SOX5: variants seen among roughly 807,000 people sequenced by gnomAD.
The protein encoded by SOX5 is SRY-box transcription factor 5.
SOX5 carries 9 observed loss-of-function variants against 92.0 expected under a neutral mutation model. The ratio of observed to expected loss-of-function variants is 0.10; its 90% confidence interval spans 0.06 to 0.17. The LOEUF (loss-of-function observed/expected upper bound fraction) is 0.17, where lower values mean the gene tolerates loss of function less well. Ranked by LOEUF, SOX5 falls within the 10% of genes least tolerant of loss-of-function variation. The pLI is 1.00. For synonymous variants in SOX5, 344 were observed against 336.3 expected (o/e 1.02, Z -0.25); for missense variants, 642 against 944.5 (o/e 0.68, Z 4.20).
intron 3 of SOX5, among the ~76,000 whole-genome samples, chr12:23,831,957 T>TACAGACACACACACACAC (rs1555370330): frequency 2.1e-5 from 3 of 142,732 alleles, no homozygotes; most frequent in African/African-American, 8.0e-5. Flanking sequence ...AAAGGGGAAC[T>TACAGACACACACACACAC]ACACACACAC....
chr12:24,436,933 G>GA (rs1939554474), intron 1 of SOX5, among the ~76,000 whole-genome samples: 2 of 152,266 alleles, frequency 1.3e-5, no homozygotes, highest in African/African-American at 4.8e-5. Flanking sequence ...CAGTAAAAGT[G>GA]AAACAACAAA....
intron 9 of SOX5, among the ~76,000 whole-genome samples, chr12:23,593,917 A>G (rs1245769778): frequency 6.6e-6 from 1 of 152,162 alleles, no homozygotes; most frequent in Admixed American, 6.5e-5. Flanking sequence ...CAAAAACCAC[A>G]CTAATCAGAA....
intron 1 of SOX5, among the ~76,000 whole-genome samples, chr12:24,372,913 A>C (rs1239495919): frequency 1.3e-5 from 2 of 150,754 alleles, no homozygotes; most frequent in African/African-American, 4.9e-5. Flanking sequence ...CAGGAGTTCA[A>C]GACCAGCCTG....
chr12:23,947,431 TC>T (rs992158093), intron 1 of SOX5, among the ~76,000 whole-genome samples: 2 of 151,934 alleles, frequency 1.3e-5, no homozygotes, highest in African/African-American at 4.8e-5. Context: ...CAATATTGTG[TC>T]TACATGATAC....
At chr12:23,598,462 G>A (rs1020468850) in intron 9 of SOX5, among the ~76,000 whole-genome samples, 3 of 137,156 alleles carry the variant, frequency 2.2e-5, no homozygotes, top group Admixed American at 1.6e-4. Context: ...GCAGTGGCGC[G>A]ATCTCGGCTC....
At chr12:24,065,180 G>A (rs532725191) in intron 4 of SOX5, among the ~76,000 whole-genome samples, 2 of 152,286 alleles carry the variant, frequency 1.3e-5, no homozygotes, top group South Asian at 4.1e-4. Context: ...GAGACATTAA[G>A]TTCCTGAGTG....
At chr12:23,960,245 G>A (rs1014567429) in intron 4 of SOX5, among the ~76,000 whole-genome samples, 5 of 151,890 alleles carry the variant, frequency 3.3e-5, no homozygotes, top group Non-Finnish European at 5.9e-5. Flanking sequence ...CAGAGAGAAC[G>A]GGGTTGTTAA....
rs865835564 is a variant in SOX5 at position 24,558,211 on chromosome 12, G to A, written c.-251+4118C>T. The stretch of plus-strand genomic sequence containing the variant: ...TAAAATAATTAGCTTATGAGCCAGA[G>A]GTTAAATGGGGCAAATGAGGCAGGA... On this transcript the variant is annotated intron_variant, in intron 1 of 4. Coordinates refer to the SOX5 transcript ENST00000446891. Among the ~76,000 whole-genome samples the A allele has an allele frequency of 1.9e-4, 29 of 152,120 alleles. 1 individual carries two copies. Among genetic ancestry groups the A allele is most frequent in the African/African-American group, 6.5e-4 (27 of 41,422 alleles).
intron 4 of SOX5, among the ~76,000 whole-genome samples, chr12:24,175,915 A>G (rs573233096): frequency 5.5e-4 from 84 of 152,282 alleles, no homozygotes; most frequent in African/African-American, 2.0e-3. Context: ...GGACCCGAAC[A>G]GCCAACTGGG....
chr12:24,070,643 T>C (rs1941624473), intron 4 of SOX5, among the ~76,000 whole-genome samples: 1 of 152,150 alleles, frequency 6.6e-6, no homozygotes, highest in African/African-American at 2.4e-5. Context: ...AGAAAAATAG[T>C]ATTATCATTA....
intron 4 of SOX5, among the ~76,000 whole-genome samples, chr12:24,183,779 C>A (rs181665378): frequency 1.1e-4 from 16 of 152,246 alleles, no homozygotes; most frequent in Non-Finnish European, 4.4e-5. Flanking sequence ...TGGAGCCAAA[C>A]TGCGAGGGTT....
intron 6 of SOX5, among the ~76,000 whole-genome samples, chr12:23,693,672 T>G (rs1247096486): frequency 6.6e-6 from 1 of 152,196 alleles, no homozygotes; most frequent in African/African-American, 2.4e-5. Flanking sequence ...TTAACCTTGA[T>G]GATTTAACAT....
intron 3 of SOX5, among the ~76,000 whole-genome samples, chr12:24,218,520 CT>C (rs1172262407): frequency 6.6e-6 from 1 of 152,082 alleles, no homozygotes; most frequent in East Asian, 1.9e-4. Context: ...TGCAAAGCTT[CT>C]TTTTGTCAGA....
chr12:24,197,264 T>C (rs1435461191), intron 4 of SOX5, among the ~76,000 whole-genome samples: 2 of 152,192 alleles, frequency 1.3e-5, no homozygotes, highest in Non-Finnish European at 2.9e-5. Flanking sequence ...GAAGACTCTA[T>C]ATAAAATATT....
chr12:24,051,083 C>T (rs192701256), intron 4 of SOX5, among the ~76,000 whole-genome samples: 127 of 152,156 alleles, frequency 8.3e-4, no homozygotes, highest in South Asian at 7.5e-3. Flanking sequence ...GGATAAGTTA[C>T]CAAACTTGAC....
chr12:24,140,041 AT>A (rs1239073883), intron 4 of SOX5, among the ~76,000 whole-genome samples: 1 of 152,166 alleles, frequency 6.6e-6, no homozygotes, highest in African/African-American at 2.4e-5. Context: ...TGAACAGATT[AT>A]TTCTTTAAAT....
chr12:24,072,479 C>A (rs965028140), intron 4 of SOX5, among the ~76,000 whole-genome samples: 5 of 152,160 alleles, frequency 3.3e-5, no homozygotes, highest in African/African-American at 1.2e-4. Flanking sequence ...AAACTTGAGA[C>A]CTGTTTAGAA....
chr12:23,778,563 T>G (rs887600010), intron 3 of SOX5, among the ~76,000 whole-genome samples: 3 of 152,190 alleles, frequency 2.0e-5, no homozygotes, highest in Non-Finnish European at 4.4e-5. Flanking sequence ...AGAGAAGTCA[T>G]ACCACGAAGG....
At chr12:24,426,422 C>A (rs1966775730) in intron 1 of SOX5, among the ~76,000 whole-genome samples, 3 of 152,268 alleles carry the variant, frequency 2.0e-5, no homozygotes, top group Middle Eastern at 3.4e-3. Flanking sequence ...ATGTACCAAA[C>A]CTGCACGTTG....
Sources: allele counts gnomAD v4.1 joint callset (sites outside exome capture counted in the v4.1 genomes callset), GRCh38; gene constraint gnomAD v4.1.1; transcripts MANE v1.5; gene names NCBI Gene and HGNC (gene_info 2026-07-23, HGNC 2026-07-21).